ARHGAP28: variants seen among roughly 807,000 people sequenced by gnomAD.
ARHGAP28 encodes rho GTPase-activating protein 28.
A neutral mutation model predicts 90.7 loss-of-function variants in ARHGAP28; 56 were observed. That is an observed-to-expected ratio of 0.62 (90% confidence interval 0.50 to 0.77). ARHGAP28 has a LOEUF of 0.77. ARHGAP28 is among the 30% of genes least tolerant of loss of function. The pLI, the probability that ARHGAP28 is intolerant of heterozygous loss-of-function variation, is 0.00. For synonymous variants in ARHGAP28, 308 were observed against 323.3 expected, an observed-to-expected ratio of 0.95 and a Z score of 0.51; for missense variants, 869 against 900.9, an observed-to-expected ratio of 0.96 and a Z score of 0.45.
chr18:6,856,629 C>T (rs895166069), intron 4 of ARHGAP28, among the ~76,000 whole-genome samples: 3 of 152,148 alleles, frequency 2.0e-5, no homozygotes, highest in Non-Finnish European at 4.4e-5. Context: ...CCCTCCTCAG[C>T]CTCTCAAGTA....
At chr18:6,841,170 CT>C (rs1567966448) in intron 3 of ARHGAP28, among the ~76,000 whole-genome samples, 65 of 81,148 alleles carry the variant, frequency 8.0e-4, no homozygotes, top group African/African-American at 3.3e-3. Context: ...TCTCTCTCCT[CT>C]CTCTCTCTCC....
At chr18:6,804,531 T>G (rs1450754654) in intron 1 of ARHGAP28, among the ~76,000 whole-genome samples, 1 of 152,234 alleles carries the variant, frequency 6.6e-6, no homozygotes, top group Non-Finnish European at 1.5e-5. Context: ...AAGTCATTGC[T>G]TGGACATTAT....
At chr18:6,737,186 ACTTTG>A (rs1252109047) in intron 1 of ARHGAP28, among the ~76,000 whole-genome samples, 2 of 152,206 alleles carry the variant, frequency 1.3e-5, no homozygotes, top group African/African-American at 4.8e-5. Context: ...TAAGCAATAC[ACTTTG>A]CTTTGTTTTT....
intron 14 of ARHGAP28, among the ~76,000 whole-genome samples, chr18:6,892,691 C>G (rs948060324): frequency 2.0e-5 from 3 of 152,208 alleles, no homozygotes; most frequent in Admixed American, 6.5e-5. Flanking sequence ...CATGACTTTT[C>G]TCCTGAACTG....
chr18:6,756,683 G>A (rs1012350229), intron 1 of ARHGAP28, among the ~76,000 whole-genome samples: 2 of 152,154 alleles, frequency 1.3e-5, no homozygotes, highest in Non-Finnish European at 2.9e-5. Flanking sequence ...AGCAAGGAAG[G>A]CAGTAGTGGC....
At chr18:6,900,229 G>A (rs2057331210) in intron 16 of ARHGAP28, among the ~76,000 whole-genome samples, 1 of 151,824 alleles carries the variant, frequency 6.6e-6, no homozygotes, top group South Asian at 2.1e-4. Flanking sequence ...ATAAGCCCCA[G>A]AGTCTCAACA....
intron 3 of ARHGAP28, among the ~76,000 whole-genome samples, chr18:6,849,566 A>G (rs1008597744): frequency 6.6e-6 from 1 of 152,228 alleles, no homozygotes; most frequent in Non-Finnish European, 1.5e-5. Context: ...ATGTCTCTGG[A>G]TACTAAATTT....
chr18:6,766,831 C>A (rs2056203505), intron 1 of ARHGAP28, among the ~76,000 whole-genome samples: 1 of 152,136 alleles, frequency 6.6e-6, no homozygotes, highest in South Asian at 2.1e-4. Flanking sequence ...CATGCAGGAC[C>A]CAAGCTGCCG....
chr18:6,761,463 G>A (rs372278195), intron 1 of ARHGAP28, among the ~76,000 whole-genome samples: 1 of 152,188 alleles, frequency 6.6e-6, no homozygotes, highest in African/African-American at 2.4e-5. Context: ...TTGGAGTCTA[G>A]CCCACGGTGT....
chr18:6,738,732 G>A (rs2055949679), intron 1 of ARHGAP28, among the ~76,000 whole-genome samples: 1 of 152,188 alleles, frequency 6.6e-6, no homozygotes, highest in Non-Finnish European at 1.5e-5. Context: ...GTGGTTGGGA[G>A]TAAATCTATA....
intron 15 of ARHGAP28, among the ~76,000 whole-genome samples, chr18:6,895,237 C>G (rs1484758414): frequency 6.6e-6 from 1 of 152,142 alleles, no homozygotes; most frequent in Non-Finnish European, 1.5e-5. Context: ...TTTAGGAGTA[C>G]AGTCTTGGCT....
At chr18:6,856,727 A>G (rs1600252229) in intron 4 of ARHGAP28, among the ~76,000 whole-genome samples, 1 of 152,318 alleles carries the variant, frequency 6.6e-6, no homozygotes, top group Non-Finnish European at 1.5e-5. Context: ...TAATCAAAAT[A>G]TAGAACATCT....
chr18:6,883,704 T>C (rs553774389), intron 11 of ARHGAP28, among the ~76,000 whole-genome samples: 1 of 152,354 alleles, frequency 6.6e-6, no homozygotes, highest in South Asian at 2.1e-4. Flanking sequence ...CTAAAAATTA[T>C]GTAGGTTCTA....
rs1159831217 is a variant in ARHGAP28, at chr18:6,894,943, C to T, written c.1905+52C>T. On this transcript the variant is annotated intron_variant, in intron 15 of 17. Coordinates refer to ENST00000383472, the MANE Select transcript of ARHGAP28 (RefSeq NM_001366230.1). Reference sequence around the variant, plus strand: ...CCATTAACTCCCTATATAGTCTTCTCTGGCGACATCCACCACATTTATGTA... The same window carrying T: ...CCATTAACTCCCTATATAGTCTTCTTTGGCGACATCCACCACATTTATGTA... The T allele has an allele frequency of 2.7e-6, 4 of 1,500,048 alleles. No homozygotes were observed. The East Asian group carries it at 6.8e-5, about 25-fold the overall frequency. 92.9% of individuals were successfully genotyped at this position (1,500,048 alleles called of 1,614,324 possible).
At chr18:6,787,737 A>G (rs968404101) in intron 1 of ARHGAP28, among the ~76,000 whole-genome samples, 6 of 152,222 alleles carry the variant, frequency 3.9e-5, no homozygotes, top group African/African-American at 1.4e-4. Flanking sequence ...CACAGTTTTA[A>G]CCAATGTTAT....
intron 1 of ARHGAP28, among the ~76,000 whole-genome samples, chr18:6,792,502 A>G (rs1050623030): frequency 1.3e-5 from 2 of 152,234 alleles, no homozygotes; most frequent in African/African-American, 4.8e-5. Context: ...AGTACTGTCC[A>G]TGCATTTTAG....
intron 14 of ARHGAP28, 94 bp downstream of exon 14, chr18:6,890,637 A>G (rs1260971408): frequency 1.0e-5 from 7 of 688,538 alleles, no homozygotes; most frequent in Non-Finnish European, 1.7e-5. Flanking sequence ...AGAACCAAGC[A>G]TTTTATATTC....
Position 6,729,753 on chromosome 18 carries a change from C to T in ARHGAP28, c.-69C>T, listed in dbSNP as rs1600132351. 3 of 1,291,390 alleles carry T rather than the reference C, an allele frequency of 2.3e-6. No homozygotes were observed. The highest frequency in any genetic ancestry group is 1.6e-5 in the African/African-American group (1 of 64,508). The allele number at this position is 1,291,390 out of a possible 1,614,324, so 80.0% of individuals were successfully genotyped here. ...GCGCCGCCCAGCTGCTGACAGCCTC[C>T]CGGCGCGCCGGTCCATGCTGGTCCC... On this transcript the variant is annotated 5_prime_UTR_variant, in exon 1 of 18. Coordinates refer to ENST00000383472, the MANE Select transcript of ARHGAP28 (RefSeq NM_001366230.1).
rs774101498 is a variant in ARHGAP28 at position 6,824,774 on chromosome 18, T to C, written c.135T>C (p.Pro45=). 6 of 1,535,182 alleles carry C rather than the reference T, an allele frequency of 3.9e-6. No homozygotes were observed. The South Asian group carries it at 7.2e-5, about 18-fold the overall frequency. Residue 45 remains proline, a synonymous_variant, in exon 2 of 18, where the codon CCT becomes CCC. Transcript: ENST00000383472. ...ATTCTTTCCTCAGAAAATCCATTCC[T>C]CGCTGCCGAAGAATTAACAGGATGC... The part of the protein sequence containing the change: ...ASHPLSRKSI[P]RCRRINRMLS...
Sources: allele counts gnomAD v4.1 joint callset (sites outside exome capture counted in the v4.1 genomes callset), GRCh38; gene constraint gnomAD v4.1.1; transcripts MANE v1.5; gene names NCBI Gene and HGNC (gene_info 2026-07-23, HGNC 2026-07-21).